Variants in CDCA8 observed in about 807,000 individuals in gnomAD.
CDCA8 encodes the protein borealin.
CDCA8 carries 25 observed loss-of-function variants against 40.0 expected under a neutral mutation model. The observed-to-expected ratio is 0.63, with a 90% CI of 0.46 to 0.87. The LOEUF (loss-of-function observed/expected upper bound fraction) is 0.87, where lower values mean the gene tolerates loss of function less well. Among genes scored for constraint, CDCA8 ranks in the 40% least tolerant of loss-of-function variants. CDCA8 has a pLI of 0.00. For missense variants in CDCA8, 280 were observed against 348.4 expected, an observed-to-expected ratio of 0.80 and a Z score of 1.56; for synonymous variants, 111 against 126.5, an observed-to-expected ratio of 0.88 and a Z score of 0.82.
intron 7 of CDCA8, among the ~76,000 whole-genome samples, chr1:37,705,138 C>A (rs74067220): frequency 0.034 from 5,116 of 152,166 alleles, 287 homozygotes; most frequent in African/African-American, 0.12. Context: ...AATTAACCAG[C>A]GTATTTCTGG....
intron 8 of CDCA8, among the ~76,000 whole-genome samples, chr1:37,705,980 T>C (rs1645597189): frequency 6.6e-6 from 1 of 150,400 alleles, no homozygotes; most frequent in African/African-American, 2.5e-5. Context: ...CAGCTAACTT[T>C]TGTATTTTTG....
chr1:37,700,330 T>C, intron 4 of CDCA8, 106 bp from the exon 5 acceptor site: 3 of 699,148 alleles, frequency 4.3e-6, no homozygotes, highest in South Asian at 1.7e-5. Flanking sequence ...AGTCCATTTC[T>C]TCCTTGCAGC....
chr1:37,694,643 C>T (rs1322295354), intron 2 of CDCA8, among the ~76,000 whole-genome samples: 1 of 152,230 alleles, frequency 6.6e-6, no homozygotes, highest in East Asian at 1.9e-4. Context: ...CATACATTAA[C>T]TAATTTTTCT....
chr1:37,700,689 C>T (rs2148288253), intron 5 of CDCA8, among the ~76,000 whole-genome samples, 168 bp downstream of exon 5: 1 of 152,286 alleles, frequency 6.6e-6, no homozygotes. Flanking sequence ...GTGTAGAACA[C>T]AGAAGAGGAA....
chr1:37,705,598 A>G, intron 8 of CDCA8, 31 bp downstream of exon 8: 3 of 1,610,860 alleles, frequency 1.9e-6, no homozygotes, highest in Non-Finnish European at 2.5e-6. Context: ...GCCAGGCCAC[A>G]GTGTGCTGCT....
At chr1:37,702,489 A>G (rs1416568728) in intron 6 of CDCA8, among the ~76,000 whole-genome samples, 36 of 152,198 alleles carry the variant, frequency 2.4e-4, no homozygotes, top group Non-Finnish European at 1.5e-5. Flanking sequence ...GGACTCTACC[A>G]TAAGCCATGT....
In CDCA8 at chr1:37,696,097, C is replaced by T. The variant is rs1221063400; in HGVS notation, c.264+147C>T. ...ACTGAAAAATTAGAGTTGGACCAGACACTGTATACATGAGACCCAGATAGT... is the reference window on the plus strand; with the variant it reads ...ACTGAAAAATTAGAGTTGGACCAGATACTGTATACATGAGACCCAGATAGT... On this transcript the variant is annotated intron_variant, in intron 3 of 9. Coordinates refer to ENST00000373055, the MANE Select transcript of CDCA8 (RefSeq NM_001256875.2). This position sits in a 1 kb window ranked among gnomAD's most constrained non-coding sequence, Gnocchi z 5.0. 6 of 709,286 alleles carry T rather than the reference C, an allele frequency of 8.5e-6. No homozygotes were observed. The highest frequency in any genetic ancestry group is 1.2e-5 in the Non-Finnish European group (5 of 407,356). The allele number at this position is 709,286 out of a possible 1,614,324, so 43.9% of individuals were successfully genotyped here.
Position 37,696,484 on chromosome 1 carries a change from T to TA in CDCA8, c.264+537dup, listed in dbSNP as rs1645527974. 6.6e-6 allele frequency among the ~76,000 whole-genome samples: 1 copy of TA among 152,204 alleles called. No individual in the cohort carries two copies. Among genetic ancestry groups the TA allele is most frequent in the Admixed American group, 6.5e-5 (1 of 15,294 alleles). ...TTCAGTTAATTACAATTAATAAAAT[T>TA]AAAGAATTCATTTCCTCAGACATAC... is the stretch of plus-strand genomic sequence containing the variant. On this transcript the variant is annotated intron_variant, in intron 3 of 9. Transcript: ENST00000373055. The surrounding 1 kb of genome is among the most constrained non-coding windows in gnomAD (Gnocchi z 5.0).
rs56661001 is a variant in CDCA8 at position 37,700,589 on chromosome 1, C to T, written c.423+68C>T. The T allele has an allele frequency of 9.7e-4, 859 of 881,706 alleles. 3 individuals are homozygous for T. The African/African-American group carries it at 0.013, about 13-fold the overall frequency. 54.6% of individuals were successfully genotyped at this position (881,706 alleles called of 1,614,324 possible). A position where few individuals can be genotyped will look rare whatever the true frequency, so the allele number is the denominator to read the frequency against. On this transcript the variant is annotated intron_variant, in intron 5 of 9. Transcript: ENST00000373055. The stretch of plus-strand genomic sequence containing the variant: ...CAAGCAAATACAAATGCATAAAATA[C>T]ACTGTTGTACACCAGAGCTCACAGT...
In CDCA8 at chr1:37,692,637, T is replaced by C. The variant is rs1292143386; in HGVS notation, c.-54T>C. On this transcript the variant is annotated 5_prime_UTR_variant, in exon 1 of 10. Transcript: ENST00000373055. Reference sequence around the variant, plus strand: ...GTCCGCCCTCCTCGTCCCTACCCAGTTTCTTGCTTCCCTGCCCCATCTCCG... The same window carrying C: ...GTCCGCCCTCCTCGTCCCTACCCAGCTTCTTGCTTCCCTGCCCCATCTCCG... 2 of 1,444,502 alleles carry C rather than the reference T, an allele frequency of 1.4e-6. No individual in the cohort carries two copies. Among genetic ancestry groups the C allele is most frequent in the South Asian group, 2.3e-5 (2 of 85,558 alleles). 89.5% of individuals were successfully genotyped at this position (1,444,502 alleles called of 1,614,324 possible).
At chr1:37,704,238 A>C (rs1035724724) in intron 7 of CDCA8, among the ~76,000 whole-genome samples, 2 of 152,130 alleles carry the variant, frequency 1.3e-5, no homozygotes, top group Admixed American at 1.3e-4. Flanking sequence ...CCCGGCCTCA[A>C]ATCAGTTTTT....
chr1:37,703,815 G>A (rs970135259), intron 7 of CDCA8, among the ~76,000 whole-genome samples: 1 of 152,206 alleles, frequency 6.6e-6, no homozygotes, highest in Admixed American at 6.5e-5. Context: ...TCCCTTAAGT[G>A]TAGTTTCACC....
At chr1:37,702,573 G>A (rs934500680) in intron 6 of CDCA8, among the ~76,000 whole-genome samples, 1 of 152,154 alleles carries the variant, frequency 6.6e-6, no homozygotes, top group Non-Finnish European at 1.5e-5. Context: ...CATTTCTCTT[G>A]AGCAGTGCAG....
intron 4 of CDCA8, among the ~76,000 whole-genome samples, chr1:37,699,721 C>T (rs1645550882): frequency 6.6e-6 from 1 of 152,096 alleles, no homozygotes; most frequent in Non-Finnish European, 1.5e-5. Flanking sequence ...AGTTCGAGAC[C>T]ATCCTGGCTA....
intron 4 of CDCA8, among the ~76,000 whole-genome samples, chr1:37,700,097 C>A (rs1226023320): frequency 6.6e-6 from 1 of 152,156 alleles, no homozygotes; most frequent in African/African-American, 2.4e-5. Flanking sequence ...ATGTCACTGT[C>A]ATTAAGCTAT....
chr1:37,698,350 C>T (rs549535419), intron 3 of CDCA8, among the ~76,000 whole-genome samples: 3 of 152,266 alleles, frequency 2.0e-5, no homozygotes, highest in Admixed American at 1.3e-4. Context: ...TAAGACAGTT[C>T]AAGGTAGCAG....
At chr1:37,701,439 G>A (rs1160681013) in intron 5 of CDCA8, among the ~76,000 whole-genome samples, 1 of 152,146 alleles carries the variant, frequency 6.6e-6, no homozygotes, top group Non-Finnish European at 1.5e-5. Context: ...CACCTGGGAC[G>A]CCCTGAGTGA....
chr1:37,693,050 T>C lies in CDCA8; in HGVS notation c.223+17T>C. 6.2e-7 allele frequency: 1 copy of C among 1,612,312 alleles called. No individual in the cohort carries two copies. Among genetic ancestry groups the C allele is most frequent in the Non-Finnish European group, 8.5e-7 (1 of 1,178,820 alleles). ...ACTACTTCGGTAAGAGCTGGAGAGC[T>C]TCCCTGGGCGGAGGCCAGGAGCCCC... On this transcript the variant is annotated intron_variant, in intron 2 of 9. Coordinates refer to ENST00000373055, the MANE Select transcript of CDCA8 (RefSeq NM_001256875.2).
At chr1:37,703,570 G>T (rs1645579627) in intron 7 of CDCA8, among the ~76,000 whole-genome samples, 1 of 152,180 alleles carries the variant, frequency 6.6e-6, no homozygotes. Context: ...ACAAAAATTA[G>T]TTGGGTGTGG....
Sources: allele counts gnomAD v4.1 joint callset (sites outside exome capture counted in the v4.1 genomes callset), GRCh38; gene constraint gnomAD v4.1.1; non-coding constraint Gnocchi (gnomAD v3.1); transcripts MANE v1.5; gene names NCBI Gene and HGNC (gene_info 2026-07-23, HGNC 2026-07-21).